Variants in MAP3K13 observed in about 807,000 individuals in gnomAD.
The protein encoded by MAP3K13 is mitogen-activated protein kinase kinase kinase 13, also known as leucine zipper-bearing kinase.
In MAP3K13, 52 loss-of-function variants were observed where a neutral mutation model predicts 104.0. The ratio of observed to expected loss-of-function variants is 0.50; its 90% CI spans 0.40 to 0.63. The LOEUF is 0.63. Ranked by LOEUF, MAP3K13 falls within the 20% of genes least tolerant of loss-of-function variation. The pLI is 0.00. For synonymous variants in MAP3K13, 394 were observed against 442.2 expected (o/e 0.89, Z 1.37); for missense variants, 914 against 1,218.5 (o/e 0.75, Z 3.72).
At chr3:185,480,771 C>T (rs1560138027) in intron 13 of MAP3K13, among the ~76,000 whole-genome samples, 1 of 152,142 alleles carries the variant, frequency 6.6e-6, no homozygotes, top group Admixed American at 6.5e-5. Context: ...TCAGGAAACA[C>T]AATCATGGCA....
intron 2 of MAP3K13, among the ~76,000 whole-genome samples, chr3:185,348,012 C>CA (rs61028328): frequency 0.4 from 35,652 of 88,614 alleles, 6,243 homozygotes; most frequent in African/African-American, 0.59. Flanking sequence ...AACTCCGTCT[C>CA]AAAAAAAAAA....
chr3:185,307,546 C>CCCCCCCCCCCCA (rs58408265), intron 2 of MAP3K13, among the ~76,000 whole-genome samples: 3 of 103,978 alleles, frequency 2.9e-5, no homozygotes, highest in Non-Finnish European at 3.6e-5. Context: ...GCACCACCCC[C>CCCCCCCCCCCCA]TCCCCCGCCA....
chr3:185,474,672 G>A (rs1702669938), intron 11 of MAP3K13, among the ~76,000 whole-genome samples: 1 of 152,182 alleles, frequency 6.6e-6, no homozygotes, highest in South Asian at 2.1e-4. Context: ...TCGTGACCCA[G>A]ATAGTTCTTA....
intron 1 of MAP3K13, among the ~76,000 whole-genome samples, chr3:185,380,397 G>C (rs552424067): frequency 1.3e-5 from 2 of 151,350 alleles, no homozygotes; most frequent in Admixed American, 6.6e-5. Flanking sequence ...TGCAGTCCCA[G>C]CTACTCAGGA....
chr3:185,302,451 T>G (rs1721143012), intron 2 of MAP3K13, among the ~76,000 whole-genome samples: 1 of 152,104 alleles, frequency 6.6e-6, no homozygotes, highest in Admixed American at 6.5e-5. Context: ...TAATATTAAG[T>G]CTTCACTCCA....
intron 2 of MAP3K13, among the ~76,000 whole-genome samples, chr3:185,356,035 A>G (rs1403232420): frequency 1.3e-5 from 2 of 152,226 alleles, no homozygotes; most frequent in Non-Finnish European, 2.9e-5. Context: ...GAATTGAGAT[A>G]AACGGTAAAA....
intron 11 of MAP3K13, 73 bp from the exon 12 acceptor site, chr3:185,477,253 G>A (rs751554730): frequency 1.1e-6 from 1 of 933,768 alleles, no homozygotes; most frequent in Non-Finnish European, 1.8e-6. Context: ...ATTTTTTACA[G>A]TTAGTGGGGA....
intron 1 of MAP3K13, among the ~76,000 whole-genome samples, chr3:185,413,984 A>G (rs1490507815): frequency 6.6e-6 from 1 of 152,086 alleles, no homozygotes; most frequent in Non-Finnish European, 1.5e-5. Flanking sequence ...CCTATTCCAT[A>G]TTTTTCTGAC....
chr3:185,388,164 G>A (rs187549232), intron 1 of MAP3K13, among the ~76,000 whole-genome samples: 69 of 151,104 alleles, frequency 4.6e-4, no homozygotes, highest in Admixed American at 7.9e-4. Flanking sequence ...ATGTAACCAA[G>A]GAGGTAAAAG....
intron 2 of MAP3K13, among the ~76,000 whole-genome samples, chr3:185,350,474 A>T (rs1723099813): frequency 6.6e-6 from 1 of 152,214 alleles, no homozygotes; most frequent in Admixed American, 6.5e-5. Context: ...GGCGTGAGCC[A>T]CTGCGCCTGG....
At chr3:185,299,300 A>C (rs1236355989) in intron 2 of MAP3K13, among the ~76,000 whole-genome samples, 1 of 152,220 alleles carries the variant, frequency 6.6e-6, no homozygotes, top group African/African-American at 2.4e-5. Flanking sequence ...AGGTAAGAAG[A>C]AAGCAGCTAA....
At chr3:185,471,880 A>G (rs939909154) in intron 10 of MAP3K13, among the ~76,000 whole-genome samples, 3 of 152,146 alleles carry the variant, frequency 2.0e-5, no homozygotes, top group Admixed American at 6.5e-5. Flanking sequence ...CTCCTGTTAC[A>G]ATTTCACTTA....
At chr3:185,354,312 T>C (rs556883935) in intron 2 of MAP3K13, among the ~76,000 whole-genome samples, 16 of 149,402 alleles carry the variant, frequency 1.1e-4, no homozygotes, top group African/African-American at 3.4e-4. Flanking sequence ...CATCACCCGG[T>C]AGCCTAACCT....
rs202038007 is a variant in MAP3K13 at position 185,455,171 on chromosome 3, G to GATATATATATGATATATATGAT, written c.1278+3784_1278+3785insATGATATATATGATATATATAT. On this transcript the variant is annotated intron_variant, in intron 7 of 13. Coordinates refer to ENST00000265026, the MANE Select transcript of MAP3K13 (RefSeq NM_004721.5). ...TGTGAGATATATATGATATATATGA[G>GATATATATATGATATATATGAT]ATATATATGATATATATGAGATATA... 2.1e-4 allele frequency among the ~76,000 whole-genome samples: 6 copies of GATATATATATGATATATATGAT among 28,100 alleles called. 1 individual carries two copies. Among genetic ancestry groups the GATATATATATGATATATATGAT allele is most frequent in the Admixed American group, 1.3e-3 (2 of 1,592 alleles). The allele number at this position is 28,100 out of a possible 152,430, so 18.4% of individuals were successfully genotyped here.
At chr3:185,361,444 A>G (rs566380087), upstream of MAP3K13, among the ~76,000 whole-genome samples, 6 of 149,124 alleles carry the variant, frequency 4.0e-5, no homozygotes, top group Non-Finnish European at 7.4e-5. Context: ...TCTGTCACCC[A>G]GGCTGGAGTG....
chr3:185,328,223 A>G (rs1278916581), intron 2 of MAP3K13, among the ~76,000 whole-genome samples: 1 of 152,172 alleles, frequency 6.6e-6, no homozygotes, highest in Non-Finnish European at 1.5e-5. Flanking sequence ...GTCAGGGAGA[A>G]TGGAGATGGG....
rs547071190 is a variant in MAP3K13 at position 185,312,637 on chromosome 3, G to C, written c.-86+26994G>C. Among the ~76,000 whole-genome samples the C allele has an allele frequency of 4.1e-4, 62 of 152,262 alleles. 1 individual carries two copies. Among genetic ancestry groups the C allele is most frequent in the African/African-American group, 1.4e-3 (58 of 41,546 alleles). The stretch of plus-strand genomic sequence containing the variant: ...ACATTTATCAAGTAATTATATATGA[G>C]ATATCAATTGTGGAAATATAGTATG... On this transcript the variant is annotated intron_variant, in intron 2 of 14. Transcript: ENST00000424227.
At chr3:185,403,348 A>G (rs1161348730) in intron 1 of MAP3K13, among the ~76,000 whole-genome samples, 1 of 152,242 alleles carries the variant, frequency 6.6e-6, no homozygotes, top group Non-Finnish European at 1.5e-5. Flanking sequence ...TAATACACTA[A>G]CATTTATGAA....
At chr3:185,380,239 G>T (rs1206856960) in intron 1 of MAP3K13, among the ~76,000 whole-genome samples, 1 of 149,236 alleles carries the variant, frequency 6.7e-6, no homozygotes, top group African/African-American at 2.5e-5. Flanking sequence ...CAGGCCGGGC[G>T]TGGTGGCTCA....
Sources: allele counts gnomAD v4.1 joint callset (sites outside exome capture counted in the v4.1 genomes callset), GRCh38; gene constraint gnomAD v4.1.1; transcripts MANE v1.5; gene names NCBI Gene and HGNC (gene_info 2026-07-23, HGNC 2026-07-21).